Variants in CA4 observed in about 807,000 individuals in gnomAD.
CA4 encodes the protein CA-IV.
Under a neutral mutation model 34.5 loss-of-function variants are expected in CA4, and 24 were observed. The ratio of observed to expected loss-of-function variants is 0.70; its 90% CI spans 0.50 to 0.98. The LOEUF (loss-of-function observed/expected upper bound fraction) is 0.98. Ranked by LOEUF, CA4 falls within the 50% of genes least tolerant of loss-of-function variation. The probability of loss-of-function intolerance (pLI) is 0.00; values close to 1 mark genes in which losing one functional copy is unlikely to be tolerated. For missense variants in CA4, 394 were observed against 396.7 expected (o/e 0.99, Z 0.06); for synonymous variants, 178 against 170.6 (o/e 1.04, Z -0.34).
intron 2 of CA4, 131 bp downstream of exon 2, chr17:60,155,498 TACACACAC>T (rs3830362): frequency 3.5e-6 from 2 of 567,936 alleles, no homozygotes; most frequent in Non-Finnish European, 3.2e-6. Flanking sequence ...GTTCCCAGCA[TACACACAC>T]ACACACACAC....
chr17:60,158,233 G>C, intron 6 of CA4, 50 bp from the exon 7 acceptor site: 1 of 1,609,560 alleles, frequency 6.2e-7, no homozygotes, highest in Non-Finnish European at 8.5e-7. Flanking sequence ...CAGGGGAAGA[G>C]GGGCTCCTTC....
At position 60,157,407 on chromosome 17, in the gene CA4, T is replaced by G. The variant is rs375162035; in HGVS notation, c.269-20T>G. 2.8e-5 allele frequency: 46 copies of G among 1,614,134 alleles called. No individual in the cohort carries two copies. Among genetic ancestry groups the G allele is most frequent in the Non-Finnish European group, 3.6e-5 (42 of 1,179,994 alleles). On this transcript the variant is annotated intron_variant, in intron 3 of 7. Coordinates refer to ENST00000300900, the MANE Select transcript of CA4 (RefSeq NM_000717.5). Reference sequence around the variant, plus strand: ...CTGAGGGAGGCTGGTTCGAGGACTCTGCCCCTTCTGTGCTCCCAGTGATGA... The same window carrying G: ...CTGAGGGAGGCTGGTTCGAGGACTCGGCCCCTTCTGTGCTCCCAGTGATGA...
In CA4 at chr17:60,154,762, C is replaced by G. The variant is rs191451561; in HGVS notation, c.59-552C>G. On this transcript the variant is annotated intron_variant, in intron 1 of 7. Coordinates refer to ENST00000300900, the MANE Select transcript of CA4 (RefSeq NM_000717.5). ...GGGGAGGAAGCCTGGCTGCTTTCCT[C>G]CTAGCGGGAGCTGTGAGACGCTAGC... is the stretch of plus-strand genomic sequence containing the variant. Among the ~76,000 whole-genome samples the G allele has an allele frequency of 3.1e-3, 476 of 152,322 alleles. 3 individuals are homozygous for G. The highest frequency in any genetic ancestry group is 9.4e-3 in the African/African-American group (391 of 41,562).
At chr17:60,157,664 C>T (rs2083714175) in intron 4 of CA4, 26 bp from the exon 5 acceptor site, 1 of 1,611,784 alleles carries the variant, frequency 6.2e-7, no homozygotes, top group African/African-American at 1.3e-5. Context: ...TCATAGGTCC[C>T]CTTTTCACCC....
rs145588553 is a variant in CA4 at position 60,157,530 on chromosome 17, G to A, written c.372G>A (p.Lys124=). 1.9e-6 allele frequency: 3 copies of A among 1,614,214 alleles called. No individual in the cohort carries two copies. Among genetic ancestry groups the A allele is most frequent in the South Asian group, 1.1e-5 (1 of 91,090 alleles). ...LHLHWSDLPY[K]GSEHSLDGEH... ...TGCACTGGTCCGACTTGCCATATAAGGGCTCGGAGCACAGCCTCGATGGGG... is the reference window on the plus strand; with the variant it reads ...TGCACTGGTCCGACTTGCCATATAAAGGCTCGGAGCACAGCCTCGATGGGG... Residue 124 remains lysine (K), a synonymous_variant, in exon 4 of 8, where the codon AAG becomes AAA. Coordinates refer to ENST00000300900, the MANE Select transcript of CA4 (RefSeq NM_000717.5).
At chr17:60,178,581 C>A in the CA4 span, among the ~76,000 whole-genome samples, 2 of 152,230 alleles carry the variant, frequency 1.3e-5, no homozygotes, top group Non-Finnish European at 2.9e-5. Flanking sequence ...GGAAGGCACA[C>A]AGCTCTTAAG....
chr17:60,169,977 T>A (rs1055198078), intron 5 of CA4, among the ~76,000 whole-genome samples: 4 of 152,116 alleles, frequency 2.6e-5, no homozygotes, highest in African/African-American at 9.7e-5. Flanking sequence ...AAAACCAGAG[T>A]TGGGCTCTTA....
chr17:60,169,262 AAGCAGCAGCAGCAGC>A (rs75260260), intron 5 of CA4, among the ~76,000 whole-genome samples: 8 of 149,660 alleles, frequency 5.3e-5, no homozygotes, highest in Non-Finnish European at 1.0e-4. Context: ...AAAAAAAAAA[AAGCAGCAGCAGCAGC>A]AGCAGCAGCA....
chr17:60,150,935 G>A lies in CA4; in HGVS notation c.58+843G>A, dbSNP rs370054711. ...CTGAATTGGGAGCCTGGCGGGGGCG[G>A]GGGGTGGGGGACCCGGAGCCCCAAG... On this transcript the variant is annotated intron_variant, in intron 1 of 7. Coordinates refer to ENST00000300900, the MANE Select transcript of CA4 (RefSeq NM_000717.5). 5.9e-5 allele frequency among the ~76,000 whole-genome samples: 9 copies of A among 152,102 alleles called. No individual in the cohort carries two copies. The East Asian group carries it at 1.3e-3, about 23-fold the overall frequency.
intron 2 of CA4, 76 bp downstream of exon 2, chr17:60,155,443 G>C (rs1190692650): frequency 8.3e-7 from 1 of 1,205,430 alleles, no homozygotes; most frequent in Non-Finnish European, 1.2e-6. Context: ...GACCCCGGAA[G>C]AGTGGGAAGG....
At position 60,158,296 on chromosome 17, in the gene CA4, G is replaced by A. The variant is rs1013826647; in HGVS notation, c.594G>A (p.Thr198=). The A allele has an allele frequency of 3.1e-6, 5 of 1,614,008 alleles. No homozygotes were observed. The highest frequency in any genetic ancestry group is 2.2e-5 in the East Asian group (1 of 44,886). ...CCCCTATCTCAGAGATGAGCACTAC[G>A]ATGGCAGAGAGCAGCCTGTTGGACC... ...SNIPKPEMST[T]MAESSLLDLL... The change falls in exon 7 of 8, where the codon ACG becomes ACA. Residue 198 remains threonine (T), a synonymous_variant. Transcript: ENST00000300900.
chr17:60,167,004 G>T (rs1044669263), intron 5 of CA4, among the ~76,000 whole-genome samples: 1 of 152,152 alleles, frequency 6.6e-6, no homozygotes, highest in African/African-American at 2.4e-5. Flanking sequence ...GCTGAGATTT[G>T]AACCCAGAAA....
At chr17:60,168,664 C>G (rs1162009186) in intron 5 of CA4, among the ~76,000 whole-genome samples, 1 of 152,032 alleles carries the variant, frequency 6.6e-6, no homozygotes, top group Non-Finnish European at 1.5e-5. Context: ...GTGAGCAACT[C>G]TGGCCCCTGG....
rs2038093948 is a variant in CA4 at position 60,155,503 on chromosome 17, AC to A, written c.112+137del. 22 of 618,746 alleles carry A rather than the reference AC, an allele frequency of 3.6e-5. No individual in the cohort carries two copies. In the South Asian group the frequency reaches 3.6e-4, roughly 10 times the overall value. The allele number at this position is 618,746 out of a possible 1,614,324, so 38.3% of individuals were successfully genotyped here. A position where few individuals can be genotyped will look rare whatever the true frequency, so the allele number is the denominator to read the frequency against. ...GCAGATATCAGTTCCCAGCATACACACACACACACACACACACACACTCTCT... is the reference window on the plus strand; with the variant it reads ...GCAGATATCAGTTCCCAGCATACACAACACACACACACACACACACTCTCT... On this transcript the variant is annotated intron_variant, in intron 2 of 7. Coordinates refer to ENST00000300900, the MANE Select transcript of CA4 (RefSeq NM_000717.5).
downstream of CA4, among the ~76,000 whole-genome samples, chr17:60,172,495 G>C (rs1489698955): frequency 6.6e-6 from 1 of 152,126 alleles, no homozygotes; most frequent in Non-Finnish European, 1.5e-5. Flanking sequence ...TTGTGAATAT[G>C]AAAAAGAGAG....
At chr17:60,171,988 C>T (rs1037039552), downstream of CA4, among the ~76,000 whole-genome samples, 2 of 152,176 alleles carry the variant, frequency 1.3e-5, no homozygotes, top group African/African-American at 4.8e-5. Context: ...AAGATGACTG[C>T]TCTGAACCTG....
intron 2 of CA4, among the ~76,000 whole-genome samples, 158 bp downstream of exon 2, chr17:60,155,525 T>A (rs9893125): frequency 0.11 from 13,351 of 126,674 alleles, 2,226 homozygotes; most frequent in African/African-American, 0.4. Flanking sequence ...ACACACACAC[T>A]CTCTCTCTCT....
At chr17:60,158,542 G>A (rs1280864406) in intron 7 of CA4, 96 bp downstream of exon 7, 1 of 1,248,318 alleles carries the variant, frequency 8.0e-7, no homozygotes, top group Non-Finnish European at 1.1e-6. Flanking sequence ...GGATACAGGT[G>A]GGGAGCCCAG....
At chr17:60,157,276 TCCC>T in intron 3 of CA4, 148 bp from the exon 4 acceptor site, 4 of 756,850 alleles carry the variant, frequency 5.3e-6, no homozygotes, top group African/African-American at 1.7e-5. Flanking sequence ...TCCCACCCTG[TCCC>T]ACCCCGCGCC....
Sources: allele counts gnomAD v4.1 joint callset (sites outside exome capture counted in the v4.1 genomes callset), GRCh38; gene constraint gnomAD v4.1.1; transcripts MANE v1.5; gene names NCBI Gene and HGNC (gene_info 2026-07-23, HGNC 2026-07-21).